Variants in ASPH observed in about 807,000 individuals in gnomAD.
ASPH encodes aspartate beta-hydroxylase, also known as aspartyl/asparaginyl beta-hydroxylase.
Under a neutral mutation model 118.4 loss-of-function variants are expected in ASPH, and 100 were observed. That is an observed-to-expected ratio of 0.84 (90% CI 0.72 to 1.00). The LOEUF is 1.00. Ranked by LOEUF, ASPH falls within the 50% of genes least tolerant of loss-of-function variation. The pLI is 0.00. For missense variants in ASPH, 920 were observed against 919.5 expected (o/e 1.00, Z -0.01); for synonymous variants, 315 against 325.6 (o/e 0.97, Z 0.35).
At chr8:61,639,064 A>G (rs1803821547) in intron 10 of ASPH, among the ~76,000 whole-genome samples, 2 of 152,164 alleles carry the variant, frequency 1.3e-5, no homozygotes, top group Admixed American at 1.3e-4. Context: ...AGACACTCTC[A>G]GTATTGGGGT....
At chr8:61,633,258 A>C (rs1856376399) in intron 13 of ASPH, 1 of 157,092 alleles carries the variant, frequency 6.4e-6, no homozygotes. Flanking sequence ...GTCACAAAGC[A>C]CTAAAGATGC....
intron 5 of ASPH, among the ~76,000 whole-genome samples, chr8:61,647,562 T>G (rs1398717740): frequency 6.6e-6 from 1 of 152,040 alleles, no homozygotes; most frequent in Admixed American, 6.6e-5. Flanking sequence ...TCCCAGCTAC[T>G]TGGGAGGCTG....
intron 19 of ASPH, among the ~76,000 whole-genome samples, chr8:61,554,792 C>T (rs1359247406): frequency 6.6e-6 from 1 of 152,128 alleles, no homozygotes; most frequent in African/African-American, 2.4e-5. Flanking sequence ...CGCTGGAGGG[C>T]AGTAATGCAT....
chr8:61,690,124 A>G (rs758509536), intron 1 of ASPH, among the ~76,000 whole-genome samples: 33 of 152,224 alleles, frequency 2.2e-4, no homozygotes, highest in Non-Finnish European at 4.4e-4. Flanking sequence ...AACTCAAACA[A>G]GTCTTGCTAT....
At chr8:61,563,658 A>T (rs1289468366) in intron 17 of ASPH, among the ~76,000 whole-genome samples, 1 of 152,194 alleles carries the variant, frequency 6.6e-6, no homozygotes, top group African/African-American at 2.4e-5. Flanking sequence ...AAGCATCACC[A>T]ACTCATCCGA....
chr8:61,630,812 T>TA (rs1217167166), intron 13 of ASPH, among the ~76,000 whole-genome samples: 4 of 152,056 alleles, frequency 2.6e-5, no homozygotes, highest in South Asian at 2.1e-4. Context: ...TCTTACTTGT[T>TA]AAAAAAAAGT....
chr8:61,550,442 TACACAC>T (rs34577657), intron 20 of ASPH, among the ~76,000 whole-genome samples: 199 of 147,686 alleles, frequency 1.3e-3, no homozygotes, highest in Middle Eastern at 6.9e-3. Flanking sequence ...CACATGTACA[TACACAC>T]ACACACACAC....
At chr8:61,653,242 A>T (rs1218671862) in intron 4 of ASPH, among the ~76,000 whole-genome samples, 1 of 152,160 alleles carries the variant, frequency 6.6e-6, no homozygotes, top group East Asian at 1.9e-4. Flanking sequence ...GTAGTGTAGA[A>T]TTGTGTGTAT....
intron 18 of ASPH, among the ~76,000 whole-genome samples, chr8:61,560,246 C>A (rs1214161660): frequency 6.6e-6 from 1 of 152,122 alleles, no homozygotes; most frequent in Admixed American, 6.5e-5. Context: ...AACACCTGGG[C>A]AGCTGCTAAT....
intron 3 of ASPH, chr8:61,676,237 C>T: frequency 6.3e-7 from 1 of 1,595,514 alleles, no homozygotes; most frequent in Non-Finnish European, 8.5e-7. Context: ...AACCATAAAA[C>T]CAATCTGAAC....
At chr8:61,548,342 A>C in intron 20 of ASPH, 134 bp from the exon 21 acceptor site, 1 of 997,906 alleles carries the variant, frequency 1.0e-6, no homozygotes, top group Non-Finnish European at 1.4e-6. Flanking sequence ...TAGGTACTCA[A>C]ATCTGTTGAA....
chr8:61,668,668 C>T (rs1054980351), intron 3 of ASPH, among the ~76,000 whole-genome samples: 1 of 152,198 alleles, frequency 6.6e-6, no homozygotes, highest in South Asian at 2.1e-4. Context: ...TACTCAATCA[C>T]ACTTGCCATC....
At chr8:61,705,786 A>T (rs1186409160) in intron 1 of ASPH, among the ~76,000 whole-genome samples, 2 of 151,660 alleles carry the variant, frequency 1.3e-5, no homozygotes, top group Non-Finnish European at 2.9e-5. Flanking sequence ...AGGGAAAAAA[A>T]AACAAATGCT....
At chr8:61,683,670 C>T (rs1044929923) in intron 2 of ASPH, 1 of 160,656 alleles carries the variant, frequency 6.2e-6, no homozygotes, top group African/African-American at 2.4e-5. Flanking sequence ...GATCCATTAG[C>T]AAGTCCTTAA....
intron 14 of ASPH, among the ~76,000 whole-genome samples, chr8:61,613,427 T>C (rs1848080630): frequency 6.6e-6 from 1 of 152,216 alleles, no homozygotes; most frequent in Admixed American, 6.5e-5. Context: ...ACATACACCA[T>C]CCTGTTGGTT....
intron 14 of ASPH, among the ~76,000 whole-genome samples, chr8:61,598,731 A>C (rs1843118442): frequency 6.6e-6 from 1 of 152,236 alleles, no homozygotes; most frequent in African/African-American, 2.4e-5. Flanking sequence ...CTCCAGGTAG[A>C]CCATATGTTA....
At chr8:61,624,692 C>T (rs1852104995) in intron 13 of ASPH, 1 of 985,552 alleles carries the variant, frequency 1.0e-6, no homozygotes, top group African/African-American at 1.7e-5. Flanking sequence ...AAGTTAACCA[C>T]AGCATAATGA....
intron 16 of ASPH, among the ~76,000 whole-genome samples, chr8:61,574,944 A>G (rs1834647777): frequency 6.6e-6 from 1 of 152,158 alleles, no homozygotes; most frequent in Non-Finnish European, 1.5e-5. Context: ...AGCCTCCTTG[A>G]TCCTTGCTTC....
chr8:61,607,654 G>A (rs1281062825), intron 14 of ASPH, among the ~76,000 whole-genome samples: 5 of 151,994 alleles, frequency 3.3e-5, no homozygotes, highest in Non-Finnish European at 1.5e-5. Context: ...TTTCTGGCAT[G>A]AGAGACCCAT....
Sources: allele counts gnomAD v4.1 joint callset (sites outside exome capture counted in the v4.1 genomes callset), GRCh38; gene constraint gnomAD v4.1.1; transcripts MANE v1.5; gene names NCBI Gene and HGNC (gene_info 2026-07-23, HGNC 2026-07-21).